COQ8A: variants seen among roughly 807,000 people sequenced by gnomAD.
COQ8A encodes coenzyme Q8A.
Under a neutral mutation model 65.0 loss-of-function variants are expected in COQ8A, and 51 were observed. The observed-to-expected ratio is 0.78, with a 90% CI of 0.63 to 0.99. The LOEUF is 0.99. Ranked by LOEUF, COQ8A falls within the 50% of genes least tolerant of loss-of-function variation. The pLI, the probability that COQ8A is intolerant of heterozygous loss-of-function variation, is 0.00. For missense variants in COQ8A, 940 were observed against 875.0 expected (o/e 1.07, Z -0.94); for synonymous variants, 371 against 353.2 (o/e 1.05, Z -0.57).
At chr1:226,950,307 A>G (rs1196366233) in intron 1 of COQ8A, among the ~76,000 whole-genome samples, 1 of 152,170 alleles carries the variant, frequency 6.6e-6, no homozygotes, top group African/African-American at 2.4e-5. Flanking sequence ...AGTGCTCACC[A>G]CAGGGCAACT....
chr1:226,960,391 AGTGGTGGTACTTGGTGGTGGCG>A (rs1658136278), intron 1 of COQ8A, among the ~76,000 whole-genome samples: 1 of 5,660 alleles, frequency 1.8e-4, no homozygotes, highest in Admixed American at 2.6e-3. Flanking sequence ...TGGTGGTGTC[AGTGGTGGTACTTGGTGGTGGCG>A]GTGGTACTTG....
At chr1:226,957,191 C>G (rs567364120) in intron 1 of COQ8A, among the ~76,000 whole-genome samples, 98 of 150,458 alleles carry the variant, frequency 6.5e-4, no homozygotes, top group Non-Finnish European at 9.9e-4. Flanking sequence ...CCCTGACTCC[C>G]GCTCTCCCTG....
At chr1:226,985,704 G>A (rs897558079) in intron 14 of COQ8A, among the ~76,000 whole-genome samples, 2 of 152,208 alleles carry the variant, frequency 1.3e-5, no homozygotes, top group African/African-American at 4.8e-5. Context: ...AACCTTAGAA[G>A]CCTTTTAAAT....
chr1:226,963,057 C>G (rs1658346183), intron 2 of COQ8A, among the ~76,000 whole-genome samples: 1 of 152,236 alleles, frequency 6.6e-6, no homozygotes, highest in African/African-American at 2.4e-5. Flanking sequence ...TCACTTGGGC[C>G]TGCCCAGGAG....
intron 4 of COQ8A, among the ~76,000 whole-genome samples, chr1:226,973,818 T>C (rs1659036865): frequency 6.6e-6 from 1 of 152,236 alleles, no homozygotes; most frequent in South Asian, 2.1e-4. Context: ...TGAGGATTGT[T>C]GGATGCCTCA....
At position 226,982,694 on chromosome 1, in the gene COQ8A, C is replaced by T. The variant is rs759127363; in HGVS notation, c.870C>T (p.Asn290=). 1.2e-6 allele frequency: 2 copies of T among 1,613,536 alleles called. No individual in the cohort carries two copies. The highest frequency in any genetic ancestry group is 2.2e-5 in the South Asian group (2 of 91,062). The part of the protein sequence containing the change: ...MLSIQDDAFI[N]PHLAKIFERV... Reference sequence around the variant, plus strand: ...GCCTTCCAGATGATGCCTTTATCAACCCCCACCTGGCTAAGATCTTCGAGC... The same window carrying T: ...GCCTTCCAGATGATGCCTTTATCAATCCCCACCTGGCTAAGATCTTCGAGC... The change falls in exon 7 of 15, where the codon AAC becomes AAT. Residue 290 remains asparagine (N), a synonymous_variant. Coordinates refer to ENST00000366777, the MANE Select transcript of COQ8A (RefSeq NM_020247.5).
At chr1:226,980,955 G>C (rs773592012) in intron 5 of COQ8A, among the ~76,000 whole-genome samples, 2 of 152,250 alleles carry the variant, frequency 1.3e-5, no homozygotes, top group Non-Finnish European at 2.9e-5. Flanking sequence ...CTGGCTCCGT[G>C]CCACCCGAGC....
chr1:226,983,137 C>T (rs1326758576), intron 8 of COQ8A, 103 bp downstream of exon 8: 2 of 1,464,732 alleles, frequency 1.4e-6, no homozygotes, highest in Non-Finnish European at 1.8e-6. Context: ...CGCAGGGCAC[C>T]CTCTCTCCTG....
In COQ8A at chr1:226,978,795, CCGCACAGCTCCTTACACACCCTCCATG is replaced by C. The variant is rs1258967924; in HGVS notation, c.730+1274_730+1300del. Among the ~76,000 whole-genome samples, 3 of 121,528 alleles carry C rather than the reference CCGCACAGCTCCTTACACACCCTCCATG, an allele frequency of 2.5e-5. 1 individual carries two copies. Among genetic ancestry groups the C allele is most frequent in the African/African-American group, 8.1e-5 (3 of 37,094 alleles). The allele number at this position is 121,528 out of a possible 152,430, so 79.7% of individuals were successfully genotyped here. On this transcript the variant is annotated intron_variant, in intron 5 of 14. Coordinates refer to ENST00000366777, the MANE Select transcript of COQ8A (RefSeq NM_020247.5). ...ACCTCCGTACACACCCACCTCTCAC[CCGCACAGCTCCTTACACACCCTCCATG>C]CACACACCTCCTTACACACCCACCT... is the stretch of plus-strand genomic sequence containing the variant.
At chr1:226,964,379 G>A (rs1658433040) in intron 2 of COQ8A, among the ~76,000 whole-genome samples, 1 of 152,154 alleles carries the variant, frequency 6.6e-6, no homozygotes, top group Non-Finnish European at 1.5e-5. Flanking sequence ...CGAAGCTCAG[G>A]CCTTGGTGAC....
intron 1 of COQ8A, among the ~76,000 whole-genome samples, chr1:226,956,249 C>T (rs1423534859): frequency 6.0e-5 from 5 of 83,966 alleles, no homozygotes; most frequent in South Asian, 6.0e-4. Context: ...CTCTCCCTGG[C>T]TCCCACTCTC....
rs1380705514 is a variant in COQ8A, at chr1:226,978,572, CACCTTA to C, written c.730+1050_730+1055del. ...CCACACACCCCCCACAGCCACACAC[CACCTTA>C]CACACTCTCCACACACTCTACCCTC... On this transcript the variant is annotated intron_variant, in intron 5 of 14. Transcript: ENST00000366777. Among the ~76,000 whole-genome samples, 125 of 66,758 alleles carry C rather than the reference CACCTTA, an allele frequency of 1.9e-3. 31 individuals are homozygous for C. Among genetic ancestry groups the C allele is most frequent in the Non-Finnish European group, 4.0e-3 (88 of 22,188 alleles). 43.8% of individuals were successfully genotyped at this position (66,758 alleles called of 152,430 possible). A position where few individuals can be genotyped will look rare whatever the true frequency, so the allele number is the denominator to read the frequency against.
intron 1 of COQ8A, chr1:226,958,413 C>A (rs539250533): frequency 2.0e-5 from 3 of 152,366 alleles, no homozygotes; most frequent in South Asian, 4.1e-4. Flanking sequence ...TGGAGTCTCA[C>A]GTCCCGGCTC....
intron 13 of COQ8A, 139 bp from the exon 14 acceptor site, chr1:226,985,115 G>A: frequency 8.0e-7 from 1 of 1,254,498 alleles, no homozygotes; most frequent in South Asian, 1.2e-5. Context: ...GCCAGGCGTG[G>A]TGTCACAGCA....
chr1:226,985,714 T>TA (rs1188413726), intron 14 of COQ8A, among the ~76,000 whole-genome samples: 1 of 152,128 alleles, frequency 6.6e-6, no homozygotes, highest in East Asian at 1.9e-4. Flanking sequence ...GCCTTTTAAA[T>TA]AAAGGGGAAC....
chr1:226,982,634 C>T (rs1364435907), intron 6 of COQ8A, 44 bp from the exon 7 acceptor site: 3 of 1,602,466 alleles, frequency 1.9e-6, no homozygotes, highest in East Asian at 2.2e-5. Context: ...TGGGCGCACA[C>T]TTTAATCCCC....
At chr1:226,940,894 G>C (rs1480882985) in intron 1 of COQ8A, among the ~76,000 whole-genome samples, 1 of 152,242 alleles carries the variant, frequency 6.6e-6, no homozygotes, top group Non-Finnish European at 1.5e-5. Flanking sequence ...GGAGCCAGCT[G>C]TTGGGCTTCG....
chr1:226,977,550 G>T (rs765126911), intron 5 of COQ8A, 27 bp downstream of exon 5: 4 of 1,548,170 alleles, frequency 2.6e-6, no homozygotes, highest in Non-Finnish European at 1.7e-6. Flanking sequence ...AGTGGGAGGG[G>T]CAGGGTGGGC....
chr1:226,984,379 G>A (rs1289571447), intron 11 of COQ8A, 144 bp downstream of exon 11: 9 of 1,352,488 alleles, frequency 6.7e-6, no homozygotes, highest in East Asian at 2.4e-5. Context: ...GTGGGACTTA[G>A]GGGGACACAG....
Sources: allele counts gnomAD v4.1 joint callset (sites outside exome capture counted in the v4.1 genomes callset), GRCh38; gene constraint gnomAD v4.1.1; transcripts MANE v1.5; gene names NCBI Gene and HGNC (gene_info 2026-07-23, HGNC 2026-07-21).